Variants in SBF1 observed in about 807,000 individuals in gnomAD.
The protein encoded by SBF1 is myotubularin-related protein 5.
SBF1 carries 65 observed loss-of-function variants against 215.8 expected under a neutral mutation model. The observed-to-expected ratio is 0.30, with a 90% CI of 0.25 to 0.37. The LOEUF (loss-of-function observed/expected upper bound fraction) is 0.37, where lower values mean the gene tolerates loss of function less well. Ranked by LOEUF, SBF1 falls within the 10% of genes least tolerant of loss-of-function variation. SBF1 has a pLI of 1.00. For missense variants in SBF1, 2,634 were observed against 2,667.8 expected (o/e 0.99, Z 0.28); for synonymous variants, 1,410 against 1,122.8 (o/e 1.26, Z -5.11).
At chr22:50,451,480 C>A (rs1569509177) in intron 36 of SBF1, among the ~76,000 whole-genome samples, 2 of 152,120 alleles carry the variant, frequency 1.3e-5, no homozygotes, top group Non-Finnish European at 2.9e-5. Flanking sequence ...AAAAAACAAA[C>A]AGAGCTTCAG....
rs374897003 is a variant in SBF1, at chr22:50,461,624, G to T, written c.2738C>A (p.Ala913Glu). 1 of 1,611,420 alleles carries T rather than the reference G, an allele frequency of 6.2e-7. No homozygotes were observed. The highest frequency in any genetic ancestry group is 1.7e-5 in the Admixed American group (1 of 59,976). ...TGCTGGTCCCCCAGCACTGCCCCCCGCGCCCTCCTCACGCCCATCCGGCAG... is the reference window on the plus strand; with the variant it reads ...TGCTGGTCCCCCAGCACTGCCCCCCTCGCCCTCCTCACGCCCATCCGGCAG... The part of the protein sequence containing the change: ...YLLPDGREEG[A>E]GGSAGGPALL... The change falls in exon 22 of 41, where the codon GCG (alanine) becomes GAG (glutamate). Residue 913 changes from alanine to glutamate, a missense_variant. Ala to Glu is a moderately radical substitution (Grantham distance 107). Coordinates refer to ENST00000380817, the MANE Select transcript of SBF1 (RefSeq NM_002972.4).
chr22:50,460,197 C>A, intron 25 of SBF1, 38 bp from the exon 26 acceptor site: 1 of 1,605,818 alleles, frequency 6.2e-7, no homozygotes, highest in Non-Finnish European at 8.5e-7. Context: ...CACGGGGCCA[C>A]TCCGCCTGCC....
intron 1 of SBF1, among the ~76,000 whole-genome samples, chr22:50,472,027 C>T (rs561423917): frequency 6.6e-6 from 1 of 152,342 alleles, no homozygotes; most frequent in African/African-American, 2.4e-5. Flanking sequence ...TTCTCAAAGA[C>T]ACCTCAGCAC....
intron 31 of SBF1, chr22:50,455,918 C>T: frequency 1.8e-6 from 1 of 558,978 alleles, no homozygotes; most frequent in South Asian, 2.3e-5. Flanking sequence ...GAGAATGCAG[C>T]AGGGGCCCAG....
rs1315822418 is a variant in SBF1 at position 50,455,134 on chromosome 22, C to T, written c.4563G>A (p.Leu1521=). ...QFLDCVHQVH[L]QFPMEFEFSQ... ...TGAACTCAAACTCCATGGGGAACTG[C>T]AGGTGGACCTGCACGCCATGTGGGT... The change falls in exon 34 of 41, where the codon CTG becomes CTA. Residue 1521 remains leucine, a synonymous_variant. Coordinates refer to ENST00000380817, the MANE Select transcript of SBF1 (RefSeq NM_002972.4). The T allele has an allele frequency of 6.2e-7, 1 of 1,614,014 alleles. No individual in the cohort carries two copies. Among genetic ancestry groups the T allele is most frequent in the Admixed American group, 1.7e-5 (1 of 60,008 alleles).
intron 1 of SBF1, among the ~76,000 whole-genome samples, chr22:50,470,359 T>C (rs2067952978): frequency 6.6e-6 from 1 of 152,242 alleles, no homozygotes; most frequent in East Asian, 1.9e-4. Context: ...CAGGTCACCA[T>C]CTACCTTGAC....
rs11374596 is a variant in SBF1, at chr22:50,455,840, G to GC, written c.4267-259dup. On this transcript the variant is annotated intron_variant, in intron 31 of 40. Coordinates refer to ENST00000380817, the MANE Select transcript of SBF1 (RefSeq NM_002972.4). ...GAGGGACGTCCCTGTCCCTCAAGAT[G>GC]CCGGTGGCCCTACCTTCAAGCCCTC... 375,970 of 569,200 alleles carry GC rather than the reference G, an allele frequency of 0.66. 127,854 individuals carry two copies. Among genetic ancestry groups the GC allele is most frequent in the African/African-American group, 0.83 (44,372 of 53,144 alleles). 35.3% of individuals were successfully genotyped at this position (569,200 alleles called of 1,614,324 possible).
chr22:50,445,085 G>C lies in SBF1; in HGVS notation c.*2057C>G, dbSNP rs962542705. 6.6e-6 allele frequency: 1 copy of C among 152,644 alleles called. No homozygotes were observed. The highest frequency in any genetic ancestry group is 2.4e-5 in the African/African-American group (1 of 41,434). The allele number at this position is 152,644 out of a possible 1,614,324, so 9.5% of individuals were successfully genotyped here. A position where few individuals can be genotyped will look rare whatever the true frequency, so the allele number is the denominator to read the frequency against. On this transcript the variant is annotated 3_prime_UTR_variant, in exon 41 of 41. Transcript: ENST00000380817. ...CTCCCAATAAAAGCCGTGACGTTCG[G>C]ACAAACCGCGTACTGTGAACCTTCC...
Position 50,456,499 on chromosome 22 carries a change from T to G in SBF1, c.4079A>C (p.Gln1360Pro). The G allele has an allele frequency of 2.3e-6, 3 of 1,300,836 alleles. No homozygotes were observed. The highest frequency in any genetic ancestry group is 3.1e-6 in the Non-Finnish European group (3 of 978,866). 80.6% of individuals were successfully genotyped at this position (1,300,836 alleles called of 1,614,324 possible). A position where few individuals can be genotyped will look rare whatever the true frequency, so the allele number is the denominator to read the frequency against. ...CCCCCGCACCCCAGTCACCTTGAGC[T>G]GGGCTTTGTCCCCAAGGATATAGAG... ...AALYILGDKA[Q>P]LKGVRSDPLQ... is the part of the protein sequence containing the mutation. The change falls in exon 30 of 41, where the codon CAG becomes CCG. Residue 1360 changes from glutamine (Q) to proline (P), a missense_variant. Coordinates refer to ENST00000380817, the MANE Select transcript of SBF1 (RefSeq NM_002972.4).
chr22:50,465,463 C>T, intron 10 of SBF1, 135 bp from the exon 11 acceptor site: 1 of 758,024 alleles, frequency 1.3e-6, no homozygotes, highest in South Asian at 1.7e-5. Context: ...CCATTCTGCA[C>T]TCAGGGCCAC....
At chr22:50,457,228 G>A in intron 28 of SBF1, 117 bp from the exon 29 acceptor site, 5 of 782,582 alleles carry the variant, frequency 6.4e-6, no homozygotes, top group Non-Finnish European at 9.3e-6. Context: ...GGAGACAGCA[G>A]GGGTCAGCCC....
In SBF1 at chr22:50,447,542, G is replaced by A. The variant is rs917008756; in HGVS notation, c.5431C>T (p.Leu1811=). 2 of 1,612,992 alleles carry A rather than the reference G, an allele frequency of 1.2e-6. No individual in the cohort carries two copies. Among genetic ancestry groups the A allele is most frequent in the Non-Finnish European group, 1.7e-6 (2 of 1,179,596 alleles). Residue 1811 remains leucine (L), a synonymous_variant, in exon 39 of 41, where the codon CTG becomes TTG. Coordinates refer to ENST00000380817, the MANE Select transcript of SBF1 (RefSeq NM_002972.4). ...MKPWKARWFV[L]DKTKHQLRYY... ...CTCACCTGGTGCTTGGTCTTGTCCAGCACGAACCAGCGGGCCTTCCAAGGC... is the reference window on the plus strand; with the variant it reads ...CTCACCTGGTGCTTGGTCTTGTCCAACACGAACCAGCGGGCCTTCCAAGGC...
At chr22:50,461,332 G>T (rs781748565) in intron 22 of SBF1, 46 bp from the exon 23 acceptor site, 3 of 1,565,570 alleles carry the variant, frequency 1.9e-6, no homozygotes, top group Non-Finnish European at 2.6e-6. Context: ...GGTAAGGGGG[G>T]GGGGGTCCCA....
At chr22:50,460,847 T>TG in intron 23 of SBF1, 135 bp from the exon 24 acceptor site, 1 of 1,028,028 alleles carries the variant, frequency 9.7e-7, no homozygotes. Flanking sequence ...GGCCTGTATC[T>TG]GTGTCACACG....
chr22:50,458,173 C>T (rs1180431169), intron 28 of SBF1, among the ~76,000 whole-genome samples: 5 of 152,212 alleles, frequency 3.3e-5, no homozygotes, highest in South Asian at 4.2e-4. Flanking sequence ...GGCGCGGTGG[C>T]GGGCACCTGT....
In SBF1 at chr22:50,456,412, C is replaced by T; in HGVS notation, c.4087-17G>A. The T allele has an allele frequency of 1.9e-6, 3 of 1,609,972 alleles. No individual in the cohort carries two copies. Among genetic ancestry groups the T allele is most frequent in the Non-Finnish European group, 2.5e-6 (3 of 1,179,196 alleles). ...CCGCACACCCTGAAAAGAATCCGGA[C>T]AAGTCCCGTGAGACACATGAGGCCC... is the stretch of plus-strand genomic sequence containing the variant. On this transcript the variant is annotated splice_polypyrimidine_tract_variant and intron_variant, in intron 30 of 40. Coordinates refer to ENST00000380817, the MANE Select transcript of SBF1 (RefSeq NM_002972.4).
chr22:50,463,090 G>GA, intron 16 of SBF1, 152 bp from the exon 17 acceptor site: 1 of 1,118,886 alleles, frequency 8.9e-7, no homozygotes, highest in East Asian at 2.6e-5. Flanking sequence ...TCAATATCAG[G>GA]AGACCCCAGG....
At chr22:50,473,622 G>A (rs750944363) in intron 1 of SBF1, among the ~76,000 whole-genome samples, 1 of 152,202 alleles carries the variant, frequency 6.6e-6, no homozygotes. Flanking sequence ...TTCAGGAAGT[G>A]TAGGGGGGTG....
rs2066911418 is a variant in SBF1 at position 50,448,221 on chromosome 22, G to A, written c.5363+12C>T. 6.2e-7 allele frequency: 1 copy of A among 1,609,372 alleles called. No homozygotes were observed. Among genetic ancestry groups the A allele is most frequent in the East Asian group, 2.2e-5 (1 of 44,874 alleles). Reference sequence around the variant, plus strand: ...AGAGGTGTCCATGTGGCAGTGGGAGGTGCCCTCATACCTGTTCTCACTCTC... The same window carrying A: ...AGAGGTGTCCATGTGGCAGTGGGAGATGCCCTCATACCTGTTCTCACTCTC... On this transcript the variant is annotated intron_variant, in intron 38 of 40. Transcript: ENST00000380817.
Sources: allele counts gnomAD v4.1 joint callset (sites outside exome capture counted in the v4.1 genomes callset), GRCh38; gene constraint gnomAD v4.1.1; transcripts MANE v1.5; gene names NCBI Gene and HGNC (gene_info 2026-07-23, HGNC 2026-07-21).